The following ZNF577 variants were observed in gnomAD, a reference collection of about 807,000 sequenced individuals.
ZNF577 encodes the protein zinc finger protein 577.
In ZNF577, 14 loss-of-function variants were observed where a neutral mutation model predicts 13.9. That is an observed-to-expected ratio of 1.00 (90% CI 0.66 to 1.57). The LOEUF is 1.57. Among genes scored for constraint, ZNF577 ranks in the 40% most tolerant of loss-of-function variants. ZNF577 has a pLI of 0.00. For missense variants in ZNF577, 555 were observed against 579.2 expected (o/e 0.96, Z 0.43); for synonymous variants, 203 against 202.9 (o/e 1.00, Z 0.00).
intron 9 of ZNF577, among the ~76,000 whole-genome samples, chr19:51,822,944 C>G (rs113174648): frequency 0.11 from 16,107 of 152,110 alleles, 1,181 homozygotes; most frequent in Middle Eastern, 0.17. Flanking sequence ...CTCACTGCAA[C>G]CTCTGCCTCC....
downstream of ZNF577, among the ~76,000 whole-genome samples, chr19:51,866,313 A>C (rs1018911937): frequency 2.6e-5 from 4 of 151,784 alleles, no homozygotes; most frequent in Non-Finnish European, 1.5e-5. Flanking sequence ...CCAAGATTGC[A>C]CCACTGCACT....
chr19:51,859,965 ATTCTT>A (rs966396073), intron 5 of ZNF577, among the ~76,000 whole-genome samples: 27 of 152,242 alleles, frequency 1.8e-4, no homozygotes, highest in African/African-American at 5.3e-4. Flanking sequence ...TCCTTATTAT[ATTCTT>A]ATTTTTCATA....
In ZNF577 at chr19:51,870,309, G is replaced by C. The variant is rs766555545; in HGVS notation, c.*2223C>G. On this transcript the variant is annotated 3_prime_UTR_variant, in exon 6 of 6. Coordinates refer to ENST00000638348, the MANE Select transcript of ZNF577 (RefSeq NM_001370449.1). Reference sequence around the variant, plus strand: ...TAAGTTTGTATTGGATGCCAGACATGGTCAATTACTGACTGGTAGATTGCT... The same window carrying C: ...TAAGTTTGTATTGGATGCCAGACATCGTCAATTACTGACTGGTAGATTGCT... Among the ~76,000 whole-genome samples the C allele has an allele frequency of 2.0e-5, 3 of 152,128 alleles. No homozygotes were observed. Among genetic ancestry groups the C allele is most frequent in the Non-Finnish European group, 4.4e-5 (3 of 68,020 alleles).
intron 9 of ZNF577, among the ~76,000 whole-genome samples, chr19:51,819,860 A>G (rs993531618): frequency 3.9e-5 from 6 of 152,224 alleles, no homozygotes. Context: ...CTTGGTAACA[A>G]GAAGGATCTA....
chr19:51,824,818 G>A lies in ZNF577; in HGVS notation c.*600-13144C>T. On this transcript the variant is annotated intron_variant and NMD_transcript_variant, in intron 9 of 10. Transcript: ENST00000638827. This position sits in a 1 kb window ranked among gnomAD's most constrained non-coding sequence, Gnocchi z 4.7. Reference sequence around the variant, plus strand: ...GAGTTACAAGCAATGTGAGGTCGGGGATATTTTTGGGCTCTGTCTCTTTCT... The same window carrying A: ...GAGTTACAAGCAATGTGAGGTCGGGAATATTTTTGGGCTCTGTCTCTTTCT... 2 of 1,594,838 alleles carry A rather than the reference G, an allele frequency of 1.3e-6. No individual in the cohort carries two copies. The highest frequency in any genetic ancestry group is 1.7e-6 in the Non-Finnish European group (2 of 1,169,288).
intron 4 of ZNF577, chr19:51,877,690 T>C (rs2084788630): frequency 4.5e-6 from 1 of 220,854 alleles, no homozygotes; most frequent in African/African-American, 2.3e-5. Flanking sequence ...GTACTGACAT[T>C]GTGGAAAACT....
intron 1 of ZNF577, among the ~76,000 whole-genome samples, chr19:51,885,323 A>G (rs11878586): frequency 0.22 from 32,737 of 152,102 alleles, 4,247 homozygotes; most frequent in South Asian, 0.41. Context: ...AATATTTGTC[A>G]TCTGTCTGCA....
intron 5 of ZNF577, among the ~76,000 whole-genome samples, chr19:51,850,588 G>A (rs1291390224): frequency 6.6e-6 from 1 of 152,136 alleles, no homozygotes; most frequent in Non-Finnish European, 1.5e-5. Context: ...CTGTACCTGT[G>A]GGTATAATGC....
In ZNF577 at chr19:51,812,437, C is replaced by T. The variant is rs1276833894; in HGVS notation, c.*600-763G>A. Reference sequence around the variant, plus strand: ...GGCTGTAGTCCCATCTATCAGGGCCCCCATATCTAACATCTAATATTATTA... The same window carrying T: ...GGCTGTAGTCCCATCTATCAGGGCCTCCATATCTAACATCTAATATTATTA... On this transcript the variant is annotated intron_variant and NMD_transcript_variant, in intron 9 of 10. Coordinates refer to the ZNF577 transcript ENST00000638827. Among the ~76,000 whole-genome samples the T allele has an allele frequency of 2.0e-5, 3 of 152,234 alleles. No individual in the cohort carries two copies. The East Asian group carries it at 5.8e-4, about 29-fold the overall frequency.
intron 5 of ZNF577, among the ~76,000 whole-genome samples, chr19:51,858,129 A>C (rs2084457713): frequency 6.6e-6 from 1 of 152,196 alleles, no homozygotes; most frequent in African/African-American, 2.4e-5. Flanking sequence ...ATGGTCCTCA[A>C]TCTATATTCA....
intron 1 of ZNF577, among the ~76,000 whole-genome samples, chr19:51,883,775 A>G (rs2084901106): frequency 6.6e-6 from 1 of 152,176 alleles, no homozygotes; most frequent in South Asian, 2.1e-4. Flanking sequence ...TAACTATTCA[A>G]TGAACTAAAG....
intron 5 of ZNF577, among the ~76,000 whole-genome samples, chr19:51,875,970 C>A (rs1221746090): frequency 6.6e-6 from 1 of 152,170 alleles, no homozygotes; most frequent in African/African-American, 2.4e-5. Flanking sequence ...AAGGCAACTC[C>A]AAGGTGACCA....
rs2084597436 is a variant in ZNF577 at position 51,868,294 on chromosome 19, G to A, written c.*4238C>T. Among the ~76,000 whole-genome samples, 1 of 152,116 alleles carries A rather than the reference G, an allele frequency of 6.6e-6. No individual in the cohort carries two copies. Among genetic ancestry groups the A allele is most frequent in the African/African-American group, 2.4e-5 (1 of 41,420 alleles). On this transcript the variant is annotated 3_prime_UTR_variant, in exon 6 of 6. Transcript: ENST00000638348. ...AGTTCCGGACACTCCATAGGACACA[G>A]ACACCTACACACCTAAAAAAGTTTC...
chr19:51,876,353 C>T (rs1599872739), intron 5 of ZNF577, among the ~76,000 whole-genome samples: 1 of 151,762 alleles, frequency 6.6e-6, no homozygotes, highest in African/African-American at 2.4e-5. Context: ...GCAGATGAGA[C>T]GTTAGTAGCA....
At chr19:51,884,030 C>T (rs10423838) in intron 1 of ZNF577, among the ~76,000 whole-genome samples, 42,602 of 152,102 alleles carry the variant, frequency 0.28, 8,361 homozygotes, top group African/African-American at 0.54. Flanking sequence ...GCCAAGATAA[C>T]GCCACTGCAG....
chr19:51,854,157 G>GT (rs1164756216), intron 5 of ZNF577, among the ~76,000 whole-genome samples: 5 of 152,090 alleles, frequency 3.3e-5, no homozygotes, highest in African/African-American at 1.2e-4. Context: ...TGTTTTCTGT[G>GT]TAGCAGAAAA....
chr19:51,855,796 C>T (rs1256936376), intron 5 of ZNF577: 1 of 152,036 alleles, frequency 6.6e-6, no homozygotes, highest in African/African-American at 2.4e-5. Flanking sequence ...AGAATGGAAC[C>T]ACATCATGGA....
intron 5 of ZNF577, among the ~76,000 whole-genome samples, chr19:51,847,582 T>C (rs2084359337): frequency 6.6e-6 from 1 of 152,126 alleles, no homozygotes; most frequent in Non-Finnish European, 1.5e-5. Context: ...GGGAGCACGA[T>C]GAGGAGAGGA....
In ZNF577 at chr19:51,872,639, C is replaced by A. The variant is rs764886645; in HGVS notation, c.1351G>T (p.Val451Leu). 1.2e-6 allele frequency: 2 copies of A among 1,614,178 alleles called. No homozygotes were observed. The highest frequency in any genetic ancestry group is 3.3e-5 in the Admixed American group (2 of 60,014). The change falls in exon 6 of 6, where the codon GTA (valine) becomes TTA (leucine). Residue 451 changes from valine to leucine, a missense_variant. Physicochemically the swap from Val to Leu is conservative, Grantham distance 32 (BLOSUM62 1). Transcript: ENST00000638348. ...EQPFPRNQAF[V>L]VNQEFEQRIS... ...CTCTGTTCAAATTCCTGATTAACTA[C>A]AAAGGCTTGATTTCTTGGAAAAGGT...
Sources: gnomAD v4.1 joint callset for allele counts (sites outside exome capture counted in the v4.1 genomes callset) on GRCh38, gnomAD v4.1.1 for gene constraint, Gnocchi (gnomAD v3.1) non-coding constraint, MANE v1.5 for transcripts, NCBI Gene and HGNC (gene_info 2026-07-23, HGNC 2026-07-21) for gene names.